The following DAPP1 variants were observed in gnomAD, a reference collection of about 807,000 sequenced individuals.
DAPP1 encodes the protein dual adapter for phosphotyrosine and 3-phosphotyrosine and 3-phosphoinositide.
In DAPP1, 20 loss-of-function variants were observed where a neutral mutation model predicts 41.5. The observed-to-expected ratio is 0.48, with a 90% CI of 0.34 to 0.70. The LOEUF is 0.70. Among genes scored for constraint, DAPP1 ranks in the 30% least tolerant of loss-of-function variants. The pLI is 0.01. For missense variants in DAPP1, 233 were observed against 333.4 expected (o/e 0.70, Z 2.35); for synonymous variants, 113 against 116.2 (o/e 0.97, Z 0.18).
At chr4:99,824,796 C>A (rs756685657) in intron 1 of DAPP1, among the ~76,000 whole-genome samples, 1 of 152,146 alleles carries the variant, frequency 6.6e-6, no homozygotes, top group Non-Finnish European at 1.5e-5. Context: ...TCATTCTAGG[C>A]CTTTTCAAGG....
intron 3 of DAPP1, among the ~76,000 whole-genome samples, chr4:99,841,459 A>G (rs1457187186): frequency 6.6e-6 from 1 of 152,238 alleles, no homozygotes; most frequent in African/African-American, 2.4e-5. Flanking sequence ...AAATGAAGTT[A>G]TAACCTTTTT....
intron 7 of DAPP1, 68 bp from the exon 8 acceptor site, chr4:99,865,966 T>TTATA (rs144437006): frequency 0.1 from 8,287 of 80,132 alleles, 833 homozygotes; most frequent in Admixed American, 0.2. Flanking sequence ...ATTATATATA[T>TTATA]TATATATATA....
chr4:99,855,317 C>T (rs1037413347), intron 4 of DAPP1, among the ~76,000 whole-genome samples: 2 of 152,224 alleles, frequency 1.3e-5, no homozygotes, highest in African/African-American at 2.4e-5. Flanking sequence ...GATCTCCACT[C>T]AAGGTCAAAC....
At chr4:99,866,174 G>A in intron 8 of DAPP1, 53 bp downstream of exon 8, 1 of 954,064 alleles carries the variant, frequency 1.0e-6, no homozygotes, top group Admixed American at 1.8e-5. Context: ...ACATGTTGAT[G>A]ATTTCAAACA....
intron 7 of DAPP1, chr4:99,864,143 C>T (rs1375038126): frequency 4.8e-6 from 1 of 207,714 alleles, no homozygotes. Context: ...CTTTCTCCCT[C>T]ATTTTATTTA....
chr4:99,868,139 A>G lies in DAPP1; in HGVS notation c.797A>G (p.Asn266Ser). The change falls in exon 9 of 9, where the codon AAC (asparagine) becomes AGC (serine). Residue 266 changes from asparagine (N) to serine (S), a missense_variant. Asn to Ser is a conservative substitution (Grantham distance 46, BLOSUM62 1). Coordinates refer to ENST00000512369, the MANE Select transcript of DAPP1 (RefSeq NM_014395.3). ...WKLSQIRKQLNQGEGTIRSRS... is the reference protein window; with the variant it reads ...WKLSQIRKQLSQGEGTIRSRS... Reference sequence around the variant, plus strand: ...CAGTCACAAATAAGAAAACAGCTCAACCAAGGGGAAGGCACGATCCGATCT... The same window carrying G: ...CAGTCACAAATAAGAAAACAGCTCAGCCAAGGGGAAGGCACGATCCGATCT... 1 of 1,613,756 alleles carries G rather than the reference A, an allele frequency of 6.2e-7. No individual in the cohort carries two copies. The highest frequency in any genetic ancestry group is 2.2e-5 in the East Asian group (1 of 44,870).
chr4:99,850,487 T>G (rs1723817664), intron 3 of DAPP1, among the ~76,000 whole-genome samples: 1 of 151,910 alleles, frequency 6.6e-6, no homozygotes. Context: ...CTTTCTGGAG[T>G]GTCATTTAAA....
intron 6 of DAPP1, 35 bp from the exon 7 acceptor site, chr4:99,863,735 T>A: frequency 3.2e-6 from 4 of 1,247,882 alleles, no homozygotes; most frequent in South Asian, 1.4e-5. Flanking sequence ...TTTTTTTTTT[T>A]AATGGTGACA....
chr4:99,824,419 C>T (rs141327658), intron 1 of DAPP1, among the ~76,000 whole-genome samples: 1 of 152,316 alleles, frequency 6.6e-6, no homozygotes, highest in African/African-American at 2.4e-5. Context: ...CTCACTCAGT[C>T]CCCTTATGCC....
At chr4:99,841,793 G>T (rs1166548737) in intron 3 of DAPP1, among the ~76,000 whole-genome samples, 1 of 152,068 alleles carries the variant, frequency 6.6e-6, no homozygotes, top group African/African-American at 2.4e-5. Flanking sequence ...GGGCATTTTG[G>T]GTGAATAAAT....
Position 99,868,434 on chromosome 4 carries a change from C to T in DAPP1, c.*249C>T, listed in dbSNP as rs1724538085. The T allele has an allele frequency of 2.0e-6, 1 of 510,442 alleles. No individual in the cohort carries two copies. The highest frequency in any genetic ancestry group is 1.9e-5 in the African/African-American group (1 of 51,830). 31.6% of individuals were successfully genotyped at this position (510,442 alleles called of 1,614,324 possible). A position where few individuals can be genotyped will look rare whatever the true frequency, so the allele number is the denominator to read the frequency against. ...GATAGAAAGTGCTTAAACCACCACT[C>T]TTAGGTCTGCTCACTCTTAGAACAC... On this transcript the variant is annotated 3_prime_UTR_variant, in exon 9 of 9. Coordinates refer to ENST00000512369, the MANE Select transcript of DAPP1 (RefSeq NM_014395.3).
intron 1 of DAPP1, 111 bp from the exon 2 acceptor site, chr4:99,835,512 G>A: frequency 6.8e-7 from 1 of 1,477,810 alleles, no homozygotes; most frequent in African/African-American, 1.4e-5. Flanking sequence ...TGGGTCTCTG[G>A]GCTACTTATC....
At chr4:99,863,190 T>C in intron 6 of DAPP1, 118 bp downstream of exon 6, 1 of 628,768 alleles carries the variant, frequency 1.6e-6, no homozygotes, top group Non-Finnish European at 2.7e-6. Context: ...TAATAAATGA[T>C]TGGAGATATG....
chr4:99,820,436 C>T (rs1722734888), intron 1 of DAPP1, among the ~76,000 whole-genome samples: 1 of 152,120 alleles, frequency 6.6e-6, no homozygotes, highest in Admixed American at 6.5e-5. Flanking sequence ...AGTGTTTTAG[C>T]ATACTTTAAA....
At chr4:99,832,205 A>G (rs982798466) in intron 1 of DAPP1, among the ~76,000 whole-genome samples, 2 of 152,238 alleles carry the variant, frequency 1.3e-5, no homozygotes, top group African/African-American at 4.8e-5. Context: ...TGCCTTGCAC[A>G]GATTTGAAGC....
chr4:99,818,491 C>T (rs905422489), intron 1 of DAPP1, among the ~76,000 whole-genome samples: 1 of 152,102 alleles, frequency 6.6e-6, no homozygotes, highest in Non-Finnish European at 1.5e-5. Flanking sequence ...AATCCTAGAA[C>T]CCAGAGTCTA....
At chr4:99,859,078 C>A (rs188282670) in intron 4 of DAPP1, among the ~76,000 whole-genome samples, 7 of 151,890 alleles carry the variant, frequency 4.6e-5, no homozygotes, top group Non-Finnish European at 7.4e-5. Flanking sequence ...TTTGTATTTT[C>A]ATTTTTTTAT....
rs1724538405 is a variant in DAPP1, at chr4:99,868,439, G to T, written c.*254G>T. 2.0e-6 allele frequency: 1 copy of T among 502,750 alleles called. No homozygotes were observed. Among genetic ancestry groups the T allele is most frequent in the Admixed American group, 3.3e-5 (1 of 29,966 alleles). The allele number at this position is 502,750 out of a possible 1,614,324, so 31.1% of individuals were successfully genotyped here. A position where few individuals can be genotyped will look rare whatever the true frequency, so the allele number is the denominator to read the frequency against. ...AAAGTGCTTAAACCACCACTCTTAG[G>T]TCTGCTCACTCTTAGAACACACAAT... On this transcript the variant is annotated 3_prime_UTR_variant, in exon 9 of 9. Transcript: ENST00000512369.
At chr4:99,846,714 T>C (rs975199334) in intron 3 of DAPP1, among the ~76,000 whole-genome samples, 4 of 152,212 alleles carry the variant, frequency 2.6e-5, no homozygotes, top group Non-Finnish European at 4.4e-5. Context: ...ATATAAGTGG[T>C]AGAATCAAGT....
Sources: allele counts gnomAD v4.1 joint callset (sites outside exome capture counted in the v4.1 genomes callset), GRCh38; gene constraint gnomAD v4.1.1; transcripts MANE v1.5; gene names NCBI Gene and HGNC (gene_info 2026-07-23, HGNC 2026-07-21).